The following RIMS2 variants were observed in gnomAD, a reference collection of about 807,000 sequenced individuals.
RIMS2 encodes regulating synaptic membrane exocytosis protein 2.
RIMS2 carries 59 observed loss-of-function variants against 174.4 expected under a neutral mutation model. That is an observed-to-expected ratio of 0.34 (90% confidence interval 0.27 to 0.42). The LOEUF (loss-of-function observed/expected upper bound fraction) is 0.42, where lower values mean the gene tolerates loss of function less well. Among genes scored for constraint, RIMS2 ranks in the 10% least tolerant of loss-of-function variants. The pLI, the probability that RIMS2 is intolerant of heterozygous loss-of-function variation, is 1.00. For missense variants in RIMS2, 1,620 were observed against 1,666.3 expected (o/e 0.97, Z 0.48); for synonymous variants, 606 against 572.5 (o/e 1.06, Z -0.84).
At chr8:103,726,222 G>C (rs2097526100) in intron 2 of RIMS2, among the ~76,000 whole-genome samples, 2 of 152,090 alleles carry the variant, frequency 1.3e-5, no homozygotes, top group African/African-American at 4.8e-5. Flanking sequence ...AGTTGAAAAT[G>C]AGCTTTTGAC....
At chr8:104,006,947 G>T (rs923598675) in intron 17 of RIMS2, among the ~76,000 whole-genome samples, 4 of 151,834 alleles carry the variant, frequency 2.6e-5, no homozygotes, top group African/African-American at 9.7e-5. Context: ...AAACATTATT[G>T]AGAGAAAAAA....
Position 103,975,111 on chromosome 8 carries a change from C to T in RIMS2, c.2771-239C>T, listed in dbSNP as rs546942085. 5.9e-4 allele frequency among the ~76,000 whole-genome samples: 90 copies of T among 152,204 alleles called. 1 individual carries two copies. Among genetic ancestry groups the T allele is most frequent in the African/African-American group, 5.1e-4 (21 of 41,532 alleles). ...ACTCTAAGTTTATATAAAAGCTTTA[C>T]GCAGCACAATGCCTTGGATATAGTA... On this transcript the variant is annotated intron_variant, in intron 15 of 23. Coordinates refer to ENST00000504942, the Ensembl canonical transcript of RIMS2.
intron 4 of RIMS2, among the ~76,000 whole-genome samples, chr8:103,896,926 T>A (rs2099283414): frequency 6.6e-6 from 1 of 151,566 alleles, no homozygotes; most frequent in South Asian, 2.1e-4. Flanking sequence ...ATATTCTATT[T>A]GGTATTAAAA....
chr8:103,699,771 ATGTGTTGT>A (rs2097147910), intron 2 of RIMS2, among the ~76,000 whole-genome samples: 2 of 152,078 alleles, frequency 1.3e-5, no homozygotes, highest in Non-Finnish European at 2.9e-5. Flanking sequence ...CACAATTCTC[ATGTGTTGT>A]TTCTTCATTT....
At chr8:104,144,493 A>G (rs1345129435) in intron 19 of RIMS2, among the ~76,000 whole-genome samples, 1 of 152,088 alleles carries the variant, frequency 6.6e-6, no homozygotes, top group South Asian at 2.1e-4. Context: ...TTGGACCTTG[A>G]TTGCTCTTTT....
chr8:104,111,744 A>G (rs2098188180), intron 19 of RIMS2, among the ~76,000 whole-genome samples: 1 of 152,254 alleles, frequency 6.6e-6, no homozygotes, highest in Admixed American at 6.5e-5. Flanking sequence ...TATGCTTCCA[A>G]CAATACGTTG....
intron 1 of RIMS2, among the ~76,000 whole-genome samples, chr8:103,525,764 TTAA>T (rs1472236939): frequency 2.0e-5 from 3 of 152,188 alleles, no homozygotes; most frequent in African/African-American, 7.2e-5. Context: ...ATGATCTCTT[TTAA>T]TAATATCTTT....
At chr8:103,919,129 T>TTG (rs2077135619) in intron 9 of RIMS2, among the ~76,000 whole-genome samples, 1 of 152,172 alleles carries the variant, frequency 6.6e-6, no homozygotes, top group South Asian at 2.1e-4. Context: ...ACTTTATTGA[T>TTG]TGAGAGTACA....
chr8:103,811,046 A>G (rs2098683819), intron 3 of RIMS2, among the ~76,000 whole-genome samples: 1 of 152,194 alleles, frequency 6.6e-6, no homozygotes, highest in Admixed American at 6.5e-5. Flanking sequence ...GGTGACTTGC[A>G]GAGGCAGTTT....
chr8:103,677,332 A>G (rs965730096), intron 1 of RIMS2, among the ~76,000 whole-genome samples: 15 of 152,132 alleles, frequency 9.9e-5, no homozygotes, highest in Admixed American at 9.2e-4. Flanking sequence ...ATCCCATGCA[A>G]TATTGTCATT....
intron 19 of RIMS2, among the ~76,000 whole-genome samples, chr8:104,190,146 T>C (rs1178724992): frequency 6.6e-6 from 1 of 151,902 alleles, no homozygotes; most frequent in African/African-American, 2.4e-5. Context: ...TACAAAAAAT[T>C]AGAACATTAG....
intron 1 of RIMS2, among the ~76,000 whole-genome samples, chr8:103,593,444 C>T (rs1311489499): frequency 6.6e-6 from 1 of 151,418 alleles, no homozygotes; most frequent in African/African-American, 2.4e-5. Flanking sequence ...TTTTTGCATA[C>T]AGTTAACCTT....
chr8:104,192,920 G>A (rs771944671), intron 19 of RIMS2, among the ~76,000 whole-genome samples: 1 of 152,086 alleles, frequency 6.6e-6, no homozygotes, highest in African/African-American at 2.4e-5. Flanking sequence ...GTATCATTAC[G>A]CTATAATGAG....
intron 3 of RIMS2, among the ~76,000 whole-genome samples, chr8:103,849,537 C>T (rs2098986130): frequency 6.6e-6 from 1 of 151,946 alleles, no homozygotes; most frequent in Admixed American, 6.6e-5. Context: ...GTGTAAATTG[C>T]AAGGCATTGT....
At chr8:103,921,769 A>G (rs2077710801) in exon 10 of RIMS2, 4 of 1,389,612 alleles carry the variant, frequency 2.9e-6, no homozygotes, top group Non-Finnish European at 4.1e-6. Flanking sequence ...CACAGTTCTT[A>G]TCAGGACAAC....
intron 17 of RIMS2, among the ~76,000 whole-genome samples, chr8:104,001,438 G>C (rs1043979884): frequency 3.3e-5 from 5 of 151,762 alleles, no homozygotes; most frequent in Non-Finnish European, 5.9e-5. Flanking sequence ...ATGTGTATTA[G>C]TTACAACACA....
At chr8:103,932,370 C>A (rs2080162035) in intron 12 of RIMS2, among the ~76,000 whole-genome samples, 1 of 152,126 alleles carries the variant, frequency 6.6e-6, no homozygotes, top group Non-Finnish European at 1.5e-5. Flanking sequence ...AGACAATGAA[C>A]AAAGGCTTTG....
chr8:103,575,531 G>A (rs529896712), intron 1 of RIMS2, among the ~76,000 whole-genome samples: 1 of 151,928 alleles, frequency 6.6e-6, no homozygotes, highest in African/African-American at 2.4e-5. Context: ...GTTTCCCATT[G>A]CTGCTATAAC....
chr8:103,931,491 T>G, intron 12 of RIMS2, 98 bp downstream of exon 14: 1 of 764,224 alleles, frequency 1.3e-6, no homozygotes, highest in Non-Finnish European at 2.0e-6. Flanking sequence ...GGTATCATAC[T>G]AGTGAGATAT....
Sources: allele counts gnomAD v4.1 joint callset (sites outside exome capture counted in the v4.1 genomes callset), GRCh38; gene constraint gnomAD v4.1.1; transcripts MANE v1.5; gene names NCBI Gene and HGNC (gene_info 2026-07-23, HGNC 2026-07-21).